The following SH3D19 variants were observed in gnomAD, a reference collection of about 807,000 sequenced individuals.
The protein encoded by SH3D19 is SH3 domain containing 19.
A neutral mutation model predicts 112.1 loss-of-function variants in SH3D19; 58 were observed. That is an observed-to-expected ratio of 0.52 (90% CI 0.42 to 0.64). SH3D19 has a LOEUF of 0.64. SH3D19 is among the 30% of genes least tolerant of loss of function. The pLI is 0.00. For synonymous variants in SH3D19, 391 were observed against 448.5 expected (o/e 0.87, Z 1.62); for missense variants, 1,090 against 1,263.4 (o/e 0.86, Z 2.08).
At chr4:151,298,137 A>G (rs888460021) in intron 1 of SH3D19, among the ~76,000 whole-genome samples, 1 of 152,002 alleles carries the variant, frequency 6.6e-6, no homozygotes, top group Admixed American at 6.6e-5. Context: ...TAGCTCAGTG[A>G]AATTGATTTC....
chr4:151,123,506 AGGCTGGAGTGCAGT>A (rs1748493299), intron 19 of SH3D19, among the ~76,000 whole-genome samples: 1 of 152,170 alleles, frequency 6.6e-6, no homozygotes, highest in African/African-American at 2.4e-5. Context: ...TCTGTGGCCC[AGGCTGGAGTGCAGT>A]GGCACGATCT....
rs1411456554 is a variant in SH3D19 at position 151,250,055 on chromosome 4, TGTGAATTG to T, written c.113-23977_113-23970del. On this transcript the variant is annotated intron_variant, in intron 1 of 19. Transcript: ENST00000604030. ...TGGGAAAAGGGATGTTCTCCATCAC[TGTGAATTG>T]GTGCCATCTCTTTGGAGGATAATGT... 9.8e-5 allele frequency among the ~76,000 whole-genome samples: 15 copies of T among 152,310 alleles called. No homozygotes were observed. The East Asian group carries it at 2.7e-3, about 27-fold the overall frequency.
intron 1 of SH3D19, among the ~76,000 whole-genome samples, chr4:151,322,891 A>G (rs1234501758): frequency 6.6e-6 from 1 of 152,190 alleles, no homozygotes; most frequent in Non-Finnish European, 1.5e-5. Flanking sequence ...ACTAAACAAT[A>G]TTTTATAGAG....
At chr4:151,300,094 G>A (rs1052112952) in intron 1 of SH3D19, among the ~76,000 whole-genome samples, 2 of 151,956 alleles carry the variant, frequency 1.3e-5, no homozygotes, top group East Asian at 3.9e-4. Context: ...CCAGCTACTC[G>A]GGAGGCTGAG....
Position 151,174,853 on chromosome 4 carries a change from C to A in SH3D19, c.1351G>T (p.Ala451Ser). 6.3e-7 allele frequency: 1 copy of A among 1,595,802 alleles called. No homozygotes were observed. The highest frequency in any genetic ancestry group is 8.5e-7 in the Non-Finnish European group (1 of 1,171,094). ...LKPVTVPPRL[A>S]GASQAKAYKS... ...TATGCTTTGGCTTGTGATGCCCCTG[C>A]GAGTCGGGGAGGAACAGTGACAGGT... is the stretch of plus-strand genomic sequence containing the variant. The change falls in exon 7 of 20, where the codon GCA becomes TCA. Residue 451 changes from alanine (A) to serine (S), a missense_variant. By Grantham distance (99) the Ala-to-Ser change is moderately conservative. Transcript: ENST00000604030.
intron 1 of SH3D19, among the ~76,000 whole-genome samples, chr4:151,295,346 A>C (rs1490378393): frequency 6.6e-6 from 1 of 152,246 alleles, no homozygotes. Context: ...ACACCAAGGC[A>C]CTGAAGTAGA....
At chr4:151,171,611 C>G (rs1272097579) in intron 7 of SH3D19, among the ~76,000 whole-genome samples, 3 of 152,144 alleles carry the variant, frequency 2.0e-5, no homozygotes, top group Non-Finnish European at 4.4e-5. Flanking sequence ...GTCTTCATTA[C>G]TGGATTGAGA....
chr4:151,241,980 C>G (rs564480377), intron 1 of SH3D19, among the ~76,000 whole-genome samples: 1 of 150,468 alleles, frequency 6.6e-6, no homozygotes, highest in Non-Finnish European at 1.5e-5. Context: ...ATTGCTTGAA[C>G]CCAGGAGTTT....
intron 1 of SH3D19, among the ~76,000 whole-genome samples, chr4:151,267,464 TG>T (rs144999079): frequency 0.037 from 5,638 of 152,322 alleles, 316 homozygotes; most frequent in African/African-American, 0.13. Context: ...TTGTACCTCT[TG>T]TACTTCTTAT....
chr4:151,266,059 A>C (rs1772764968), intron 1 of SH3D19: 1 of 152,128 alleles, frequency 6.6e-6, no homozygotes, highest in Non-Finnish European at 1.5e-5. Context: ...TGTAGGACAA[A>C]CCTAAAAGAT....
At chr4:151,143,815 T>G in intron 12 of SH3D19, 95 bp downstream of exon 12, 1 of 1,349,828 alleles carries the variant, frequency 7.4e-7, no homozygotes, top group Non-Finnish European at 1.0e-6. Flanking sequence ...AAAATAAATG[T>G]GCTAATAAAA....
chr4:151,144,310 G>T (rs780090761), intron 11 of SH3D19: 6 of 1,606,934 alleles, frequency 3.7e-6, no homozygotes, highest in Non-Finnish European at 5.1e-6. Flanking sequence ...ACCAATAAAA[G>T]GCTTATTCAC....
chr4:151,132,185 T>G (rs1750864077), intron 17 of SH3D19, 146 bp downstream of exon 17: 2 of 667,488 alleles, frequency 3.0e-6, no homozygotes, highest in African/African-American at 1.8e-5. Flanking sequence ...ATAAAATATA[T>G]TAACCATCTA....
Position 151,135,066 on chromosome 4 carries a change from AAACTTACTT to A in SH3D19, c.2485_2486+7del. The A allele has an allele frequency of 6.3e-7, 1 of 1,591,016 alleles. No individual in the cohort carries two copies. Among genetic ancestry groups the A allele is most frequent in the Non-Finnish European group, 8.6e-7 (1 of 1,165,042 alleles). On this transcript the variant is annotated splice_donor_variant and splice_donor_5th_base_variant and coding_sequence_variant and intron_variant, in exon 15 of 20. Coordinates refer to ENST00000604030, the MANE Select transcript of SH3D19 (RefSeq NM_001378122.1). LOFTEE classifies it high-confidence loss of function. The stretch of plus-strand genomic sequence containing the variant: ...TATTTTGTGTAAAAGAACACAAATA[AAACTTACTT>A]AACACAATGAGATGAAACACATTCT...
At chr4:151,233,393 T>C (rs1769766248) in intron 1 of SH3D19, among the ~76,000 whole-genome samples, 1 of 152,162 alleles carries the variant, frequency 6.6e-6, no homozygotes, top group Admixed American at 6.6e-5. Context: ...GACCGCTGCA[T>C]TAAGGTGTTT....
intron 1 of SH3D19, among the ~76,000 whole-genome samples, chr4:151,266,576 A>C (rs1360880182): frequency 1.3e-5 from 2 of 152,202 alleles, no homozygotes; most frequent in African/African-American, 4.8e-5. Flanking sequence ...AGTGAGAATA[A>C]ATATTCTGGT....
chr4:151,127,010 T>C (rs901004728), intron 19 of SH3D19, among the ~76,000 whole-genome samples: 5 of 150,948 alleles, frequency 3.3e-5, no homozygotes, highest in Admixed American at 1.3e-4. Context: ...CCCGGGTTCA[T>C]GCCATTCTCC....
At chr4:151,291,355 C>T in intron 1 of SH3D19, 2 of 1,613,954 alleles carry the variant, frequency 1.2e-6, no homozygotes, top group Non-Finnish European at 1.7e-6. Context: ...TGCCTTTGGA[C>T]CTAACACTAT....
intron 7 of SH3D19, among the ~76,000 whole-genome samples, chr4:151,172,816 G>C (rs1192613357): frequency 6.6e-6 from 1 of 152,176 alleles, no homozygotes; most frequent in African/African-American, 2.4e-5. Flanking sequence ...CTCCAGGAAA[G>C]GCTGGTGTGT....
Sources: gnomAD v4.1 joint callset for allele counts (sites outside exome capture counted in the v4.1 genomes callset) on GRCh38, gnomAD v4.1.1 for gene constraint, MANE v1.5 for transcripts, NCBI Gene and HGNC (gene_info 2026-07-23, HGNC 2026-07-21) for gene names.